Variants in PPP2R2C observed in about 807,000 individuals in gnomAD.
PPP2R2C encodes the protein protein phosphatase 2, regulatory subunit B, gamma.
In PPP2R2C, 10 loss-of-function variants were observed where a neutral mutation model predicts 45.3. That is an observed-to-expected ratio of 0.22 (90% CI 0.14 to 0.37). The LOEUF (loss-of-function observed/expected upper bound fraction) is 0.37, where lower values mean the gene tolerates loss of function less well. Ranked by LOEUF, PPP2R2C falls within the 10% of genes least tolerant of loss-of-function variation. PPP2R2C has a pLI of 1.00. For synonymous variants in PPP2R2C, 257 were observed against 245.4 expected (o/e 1.05, Z -0.44); for missense variants, 308 against 619.7 (o/e 0.50, Z 5.34).
intron 8 of PPP2R2C, among the ~76,000 whole-genome samples, chr4:6,327,079 T>C (rs538740784): frequency 6.6e-6 from 1 of 152,256 alleles, no homozygotes; most frequent in South Asian, 2.1e-4. Flanking sequence ...CTCAGAACAG[T>C]GCTCAAAGTG....
At chr4:6,334,685 G>A (rs1170087269) in intron 6 of PPP2R2C, among the ~76,000 whole-genome samples, 1 of 152,172 alleles carries the variant, frequency 6.6e-6, no homozygotes, top group Non-Finnish European at 1.5e-5. Context: ...GAAGAGAACA[G>A]GGTGGTGGAG....
At chr4:6,393,195 C>T (rs759493849) in intron 1 of PPP2R2C, among the ~76,000 whole-genome samples, 4 of 152,132 alleles carry the variant, frequency 2.6e-5, no homozygotes, top group Non-Finnish European at 5.9e-5. Flanking sequence ...AGAACATTCC[C>T]ACCACCCCAA....
intron 1 of PPP2R2C, among the ~76,000 whole-genome samples, chr4:6,418,442 T>G (rs1718738426): frequency 1.3e-5 from 2 of 152,312 alleles, no homozygotes; most frequent in South Asian, 4.1e-4. Flanking sequence ...TGGGTCTAGC[T>G]CCAACTCCAC....
chr4:6,500,358 G>A (rs1026825229), intron 2 of PPP2R2C, among the ~76,000 whole-genome samples: 3 of 152,200 alleles, frequency 2.0e-5, no homozygotes, highest in African/African-American at 7.2e-5. Context: ...ACGTTGGCCA[G>A]GCTGGTCTCG....
chr4:6,490,247 G>T (rs1722658060), intron 2 of PPP2R2C, among the ~76,000 whole-genome samples: 1 of 152,144 alleles, frequency 6.6e-6, no homozygotes, highest in Non-Finnish European at 1.5e-5. Context: ...GCTCATCTGG[G>T]ACTTATGTCC....
chr4:6,539,536 T>C (rs181648412), intron 1 of PPP2R2C, among the ~76,000 whole-genome samples: 4 of 152,334 alleles, frequency 2.6e-5, no homozygotes, highest in African/African-American at 4.8e-5. Context: ...CTTTATAATA[T>C]GTTGTAACAT....
At chr4:6,440,732 C>CACCATGTTT (rs1720113630) in intron 1 of PPP2R2C, among the ~76,000 whole-genome samples, 2 of 152,214 alleles carry the variant, frequency 1.3e-5, no homozygotes, top group Non-Finnish European at 2.9e-5. Context: ...CTGATGGACG[C>CACCATGTTT]CGCCTGAGTC....
In PPP2R2C at chr4:6,341,408, T is replaced by G. The variant is rs1168293100; in HGVS notation, c.790+6438A>C. Among the ~76,000 whole-genome samples the G allele has an allele frequency of 2.0e-5, 3 of 150,550 alleles. No individual in the cohort carries two copies. The East Asian group carries it at 5.9e-4, about 30-fold the overall frequency. Reference sequence around the variant, plus strand: ...AGAGTTTTAGTTCTCAAGGCTTCTGTGATGAGAAAGGGAAAAAGAGTGCAG... The same window carrying G: ...AGAGTTTTAGTTCTCAAGGCTTCTGGGATGAGAAAGGGAAAAAGAGTGCAG... On this transcript the variant is annotated intron_variant, in intron 6 of 8. Transcript: ENST00000382599.
At chr4:6,461,103 T>C (rs529104061) in intron 1 of PPP2R2C, among the ~76,000 whole-genome samples, 1 of 152,194 alleles carries the variant, frequency 6.6e-6, no homozygotes, top group African/African-American at 2.4e-5. Flanking sequence ...GCATCACCTA[T>C]TTGGCTTTGC....
chr4:6,469,467 T>C (rs1307028688), intron 1 of PPP2R2C, among the ~76,000 whole-genome samples: 1 of 152,208 alleles, frequency 6.6e-6, no homozygotes, highest in African/African-American at 2.4e-5. Flanking sequence ...TAGCATCCAC[T>C]GTTTGCCCAC....
chr4:6,561,155 C>G (rs1036773243), intron 1 of PPP2R2C, among the ~76,000 whole-genome samples: 2 of 152,200 alleles, frequency 1.3e-5, no homozygotes, highest in Non-Finnish European at 2.9e-5. Context: ...TGTGGGGTAC[C>G]TGTCTGCCAT....
In PPP2R2C at chr4:6,472,599, G is replaced by C. The variant is rs1002489720; in HGVS notation, c.-370C>G. Reference sequence around the variant, plus strand: ...GGCGCTGCGCTGCGCCGACCAAGCCGGGGCCGAGCCGGGCTGCGCGGGCTG... The same window carrying C: ...GGCGCTGCGCTGCGCCGACCAAGCCCGGGCCGAGCCGGGCTGCGCGGGCTG... On this transcript the variant is annotated 5_prime_UTR_variant, in exon 1 of 9. Transcript: ENST00000382599. Among the ~76,000 whole-genome samples the C allele has an allele frequency of 6.8e-6, 1 of 146,418 alleles. No homozygotes were observed. Among genetic ancestry groups the C allele is most frequent in the African/African-American group, 2.4e-5 (1 of 40,862 alleles).
intron 1 of PPP2R2C, among the ~76,000 whole-genome samples, chr4:6,550,617 G>A (rs186545392): frequency 2.6e-5 from 4 of 152,208 alleles, no homozygotes; most frequent in Admixed American, 1.3e-4. Flanking sequence ...ACAATATTTC[G>A]CAGAGCATCT....
intron 2 of PPP2R2C, among the ~76,000 whole-genome samples, chr4:6,481,278 T>C (rs768468081): frequency 6.6e-6 from 1 of 152,268 alleles, no homozygotes; most frequent in African/African-American, 2.4e-5. Flanking sequence ...GTAAACAGAA[T>C]GTCCTTCCTT....
intron 1 of PPP2R2C, among the ~76,000 whole-genome samples, chr4:6,395,583 C>T (rs973515069): frequency 1.3e-5 from 2 of 152,142 alleles, no homozygotes; most frequent in South Asian, 2.1e-4. Flanking sequence ...TGGGCAGAGG[C>T]GGGACCCCCC....
chr4:6,435,336 T>C (rs1389522292), intron 1 of PPP2R2C, among the ~76,000 whole-genome samples: 3 of 152,236 alleles, frequency 2.0e-5, no homozygotes, highest in African/African-American at 7.2e-5. Flanking sequence ...GTGGAGCTCA[T>C]CATATCAGGT....
At position 6,381,021 on chromosome 4, in the gene PPP2R2C, G is replaced by A. The variant is rs540827872; in HGVS notation, c.144C>T (p.Val48=). ...CCTCTGGTTCCCGCTGGAAGATGAC[G>A]ACCCGGCCGCCCTTGTCACCTGTGG... ...LLATGDKGGR[V]VIFQREPESK... The change falls in exon 2 of 9, where the codon GTC becomes GTT. Residue 48 remains valine (V), a synonymous_variant. Transcript: ENST00000382599. 26 of 1,549,092 alleles carry A rather than the reference G, an allele frequency of 1.7e-5. 1 individual carries two copies. In the South Asian group the frequency reaches 2.3e-4, roughly 13 times the overall value.
chr4:6,325,602 G>C (rs541309104), intron 8 of PPP2R2C, among the ~76,000 whole-genome samples: 1 of 152,290 alleles, frequency 6.6e-6, no homozygotes, highest in Admixed American at 6.5e-5. Flanking sequence ...AAAGTCATTT[G>C]CAACCCACAC....
At chr4:6,531,269 T>A (rs1724388191) in intron 2 of PPP2R2C, among the ~76,000 whole-genome samples, 1 of 151,968 alleles carries the variant, frequency 6.6e-6, no homozygotes, top group African/African-American at 2.4e-5. Flanking sequence ...CAGATGGCAG[T>A]GAGGAGGGGC....
Sources: allele counts gnomAD v4.1 joint callset (sites outside exome capture counted in the v4.1 genomes callset), GRCh38; gene constraint gnomAD v4.1.1; transcripts MANE v1.5; gene names NCBI Gene and HGNC (gene_info 2026-07-23, HGNC 2026-07-21).